SV2C: variants seen among roughly 807,000 people sequenced by gnomAD.
SV2C encodes solute carrier family 22 member B3.
Under a neutral mutation model 79.7 loss-of-function variants are expected in SV2C, and 49 were observed. The observed-to-expected ratio is 0.61, with a 90% confidence interval of 0.49 to 0.78. The LOEUF (loss-of-function observed/expected upper bound fraction) is 0.78. Among genes scored for constraint, SV2C ranks in the 30% least tolerant of loss-of-function variants. The pLI is 0.00. For missense variants in SV2C, 833 were observed against 912.9 expected (o/e 0.91, Z 1.13); for synonymous variants, 334 against 333.2 (o/e 1.00, Z -0.03).
At chr5:75,915,965 A>G in the SV2C span, among the ~76,000 whole-genome samples, 1 of 152,146 alleles carries the variant, frequency 6.6e-6, no homozygotes, top group Non-Finnish European at 1.5e-5. Flanking sequence ...GGTCTTATCA[A>G]GGAGTGGAGA....
chr5:76,132,395 C>A, intron 2 of SV2C, 65 bp downstream of exon 2: 1 of 1,448,828 alleles, frequency 6.9e-7, no homozygotes, highest in Non-Finnish European at 9.3e-7. Flanking sequence ...CAGTTATCAA[C>A]ATAGAGAATA....
chr5:75,874,673 A>G, the SV2C span, among the ~76,000 whole-genome samples: 1 of 152,140 alleles, frequency 6.6e-6, no homozygotes, highest in Non-Finnish European at 1.5e-5. Flanking sequence ...TCTCGGCCCA[A>G]AAAAGCTCCT....
Position 76,333,131 on chromosome 5 carries a change from G to A in SV2C, c.*7584G>A, listed in dbSNP as rs1233072831. The A allele has an allele frequency of 6.6e-6, 1 of 152,132 alleles. No individual in the cohort carries two copies. Among genetic ancestry groups the A allele is most frequent in the South Asian group, 2.1e-4 (1 of 4,830 alleles). The allele number at this position is 152,132 out of a possible 1,614,324, so 9.4% of individuals were successfully genotyped here. On this transcript the variant is annotated 3_prime_UTR_variant, in exon 13 of 13. Coordinates refer to ENST00000502798, the MANE Select transcript of SV2C (RefSeq NM_014979.4). ...TGCGCCCACGTAGTCATCCAAGAAG[G>A]AAACTCCTTTCTTGCCTTGATATTC...
intron 4 of SV2C, among the ~76,000 whole-genome samples, chr5:76,280,693 G>A (rs1747157996): frequency 6.6e-6 from 1 of 152,170 alleles, no homozygotes; most frequent in African/African-American, 2.4e-5. Context: ...TTCCCCGGGG[G>A]GTGCCTGGGA....
At chr5:75,866,547 C>G in the SV2C span, among the ~76,000 whole-genome samples, 1 of 152,174 alleles carries the variant, frequency 6.6e-6, no homozygotes, top group African/African-American at 2.4e-5. Context: ...TTTGGGTCTA[C>G]CCTGCCAACT....
At chr5:76,179,331 G>A (rs752793784) in intron 2 of SV2C, among the ~76,000 whole-genome samples, 2 of 152,130 alleles carry the variant, frequency 1.3e-5, no homozygotes, top group Non-Finnish European at 2.9e-5. Context: ...GGTTTTTAAC[G>A]TGCCTTATCT....
At chr5:76,099,512 TA>T (rs1291454353) in intron 1 of SV2C, among the ~76,000 whole-genome samples, 1 of 152,130 alleles carries the variant, frequency 6.6e-6, no homozygotes, top group African/African-American at 2.4e-5. Flanking sequence ...TTTCTGCTTA[TA>T]AGGGTTTCCT....
chr5:75,920,732 C>T, the SV2C span: 3 of 769,490 alleles, frequency 3.9e-6, no homozygotes, highest in African/African-American at 5.1e-5. Context: ...TCTGCGTCTC[C>T]TTGAAGGTGC....
At chr5:76,089,016 A>C (rs971126089) in intron 1 of SV2C, among the ~76,000 whole-genome samples, 7 of 152,114 alleles carry the variant, frequency 4.6e-5, no homozygotes, top group African/African-American at 1.7e-4. Flanking sequence ...AACATGAACA[A>C]GTTTCTTTTT....
chr5:76,132,482 C>A, intron 2 of SV2C, 152 bp downstream of exon 2: 1 of 734,370 alleles, frequency 1.4e-6, no homozygotes, highest in Non-Finnish European at 2.1e-6. Flanking sequence ...ACAAAAGAAT[C>A]AAAATAATTG....
At chr5:75,971,140 A>T in the SV2C span, among the ~76,000 whole-genome samples, 3 of 152,094 alleles carry the variant, frequency 2.0e-5, no homozygotes, top group Non-Finnish European at 2.9e-5. Context: ...CATGCTAAAA[A>T]CTCTCAATAA....
intron 1 of SV2C, among the ~76,000 whole-genome samples, chr5:76,100,983 T>A (rs79019634): frequency 6.6e-6 from 1 of 152,168 alleles, no homozygotes; most frequent in Non-Finnish European, 1.5e-5. Flanking sequence ...GAGTGCAGAA[T>A]TGCCCTCGTT....
chr5:75,919,521 A>G, the SV2C span, among the ~76,000 whole-genome samples: 1,993 of 152,308 alleles, frequency 0.013, 36 homozygotes, highest in African/African-American at 0.046. Context: ...CCAAAGATCC[A>G]TGAACTCTTC....
chr5:75,909,118 A>T, the SV2C span, among the ~76,000 whole-genome samples: 1 of 152,236 alleles, frequency 6.6e-6, no homozygotes, highest in Admixed American at 6.5e-5. Context: ...TCCAGAATCC[A>T]GGTTTCCTGA....
At chr5:76,025,459 G>C in the SV2C span, among the ~76,000 whole-genome samples, 1 of 152,272 alleles carries the variant, frequency 6.6e-6, no homozygotes, top group East Asian at 1.9e-4. Flanking sequence ...CTTTTAAAAA[G>C]CTCTACCTAA....
At chr5:76,109,838 G>A (rs536745383) in intron 1 of SV2C, among the ~76,000 whole-genome samples, 1 of 152,160 alleles carries the variant, frequency 6.6e-6, no homozygotes, top group Non-Finnish European at 1.5e-5. Context: ...GGATAGGTGA[G>A]ACAATCTATT....
chr5:76,301,648 C>T, intron 12 of SV2C, 103 bp downstream of exon 12: 3 of 1,376,962 alleles, frequency 2.2e-6, no homozygotes, highest in Admixed American at 4.2e-5. Flanking sequence ...GTAGCTTATG[C>T]CTGTAATCCC....
intron 4 of SV2C, among the ~76,000 whole-genome samples, chr5:76,239,782 G>A (rs1198222399): frequency 6.6e-6 from 1 of 152,176 alleles, no homozygotes; most frequent in Non-Finnish European, 1.5e-5. Context: ...AGCCTGGGAA[G>A]TCACACACTG....
chr5:75,903,408 G>A, the SV2C span, among the ~76,000 whole-genome samples: 1 of 150,270 alleles, frequency 6.7e-6, no homozygotes. Context: ...ATCATTTTCT[G>A]TTGAACCTAT....
Sources: allele counts gnomAD v4.1 joint callset (sites outside exome capture counted in the v4.1 genomes callset), GRCh38; gene constraint gnomAD v4.1.1; transcripts MANE v1.5; gene names NCBI Gene and HGNC (gene_info 2026-07-23, HGNC 2026-07-21).